RABGGTA: variants seen among roughly 807,000 people sequenced by gnomAD.
RABGGTA encodes Rab geranylgeranyltransferase subunit alpha.
RABGGTA carries 69 observed loss-of-function variants against 83.3 expected under a neutral mutation model. That is an observed-to-expected ratio of 0.83 (90% CI 0.68 to 1.01). The LOEUF (loss-of-function observed/expected upper bound fraction) is 1.01, where lower values mean the gene tolerates loss of function less well. RABGGTA is among the 50% of genes least tolerant of loss of function. The pLI is 0.00. For synonymous variants in RABGGTA, 310 were observed against 299.8 expected (o/e 1.03, Z -0.35); for missense variants, 681 against 712.7 (o/e 0.96, Z 0.51).
chr14:24,266,457 G>C lies in RABGGTA; in HGVS notation c.1528C>G (p.Leu510Val). 1 of 1,614,022 alleles carries C rather than the reference G, an allele frequency of 6.2e-7. No homozygotes were observed. Among genetic ancestry groups the C allele is most frequent in the Non-Finnish European group, 8.5e-7 (1 of 1,179,886 alleles). Residue 510 changes from leucine to valine, a missense_variant, in exon 16 of 17, where the codon CTG becomes GTG. Coordinates refer to ENST00000216840, the MANE Select transcript of RABGGTA (RefSeq NM_182836.3). Reference sequence around the variant, plus strand: ...TTGTTGCACAGTAGCAGCTCCTGCAGCCGGGGTAGGTTGGTGACGCCGTCC... The same window carrying C: ...TTGTTGCACAGTAGCAGCTCCTGCACCCGGGGTAGGTTGGTGACGCCGTCC... ...SLDGVTNLPR[L>V]QELLLCNNRL... is the part of the protein sequence containing the mutation.
chr14:24,271,346 C>T (rs1390498753), intron 1 of RABGGTA, 141 bp downstream of exon 1: 3 of 458,756 alleles, frequency 6.5e-6, no homozygotes, highest in African/African-American at 2.0e-5. Flanking sequence ...TCCGTGTGGC[C>T]CTTCCTATAG....
rs776966441 is a variant in RABGGTA at position 24,268,570 on chromosome 14, G to A, written c.950C>T (p.Thr317Ile). ...GCCTGCTGTCCAAATGACGCGAAAT[G>A]TATGTTGGGGCAACTGGTCGTTGAG... ...ASLNDQLPQH[T>I]FRVIWTAGDV... The change falls in exon 10 of 17, where the codon ACA becomes ATA. Residue 317 changes from threonine to isoleucine, a missense_variant. Around this residue, in one of 5 missense-constraint regions of RABGGTA, gnomAD observed 421 missense variants for 418.5 expected, o/e 1.01. Transcript: ENST00000216840. 13 of 1,613,930 alleles carry A rather than the reference G, an allele frequency of 8.1e-6. No homozygotes were observed. Among genetic ancestry groups the A allele is most frequent in the Non-Finnish European group, 1.1e-5 (13 of 1,179,902 alleles).
chr14:24,270,703 G>T (rs941116429), intron 3 of RABGGTA, 134 bp downstream of exon 3: 18 of 1,331,092 alleles, frequency 1.4e-5, no homozygotes, highest in Non-Finnish European at 1.6e-5. Context: ...TCAGCAACTT[G>T]CCCAAAGTCA....
intron 14 of RABGGTA, among the ~76,000 whole-genome samples, 178 bp from the exon 15 acceptor site, chr14:24,267,067 G>A (rs531782289): frequency 3.9e-5 from 6 of 152,310 alleles, no homozygotes; most frequent in East Asian, 1.9e-4. Context: ...AGTACATGAC[G>A]TGGGACAGAC....
In RABGGTA at chr14:24,266,805, G is replaced by C. The variant is rs750807003; in HGVS notation, c.1438C>G (p.Pro480Ala). ...LSHNRLRTLP[P>A]ALAALRCLEV... ...AGGCAGCGCAGGGCAGCCAGTGCAG[G>C]TGGCAGGGTTCGGAGGCGATTGTGT... The change falls in exon 15 of 17, where the codon CCT becomes GCT. Residue 480 changes from proline (P) to alanine (A), a missense_variant. By Grantham distance (27) the Pro-to-Ala change is conservative. Around this residue, in one of 5 missense-constraint regions of RABGGTA, gnomAD observed 421 missense variants for 418.5 expected, o/e 1.01. Transcript: ENST00000216840. 1 of 1,613,958 alleles carries C rather than the reference G, an allele frequency of 6.2e-7. No homozygotes were observed. Among genetic ancestry groups the C allele is most frequent in the South Asian group, 1.1e-5 (1 of 91,086 alleles).
intron 11 of RABGGTA, 58 bp downstream of exon 11, chr14:24,268,311 C>G: frequency 6.2e-7 from 1 of 1,611,400 alleles, no homozygotes; most frequent in Non-Finnish European, 8.5e-7. Flanking sequence ...CCTGCCCTGG[C>G]TGCCTGATGC....
chr14:24,268,459 G>A, intron 10 of RABGGTA, 39 bp from the exon 11 acceptor site: 1 of 1,595,030 alleles, frequency 6.3e-7, no homozygotes. Flanking sequence ...GCACCCTTGA[G>A]AGGAAAAGAG....
At chr14:24,265,837 G>T in intron 16 of RABGGTA, 74 bp from the exon 17 acceptor site, 2 of 1,487,204 alleles carry the variant, frequency 1.3e-6, no homozygotes. Context: ...CTCAAGAGCT[G>T]GGGACTGCTG....
At position 24,268,523 on chromosome 14, in the gene RABGGTA, G is replaced by A; in HGVS notation, c.997C>T (p.Leu333Phe). 1 of 1,613,940 alleles carries A rather than the reference G, an allele frequency of 6.2e-7. No individual in the cohort carries two copies. Among genetic ancestry groups the A allele is most frequent in the Non-Finnish European group, 8.5e-7 (1 of 1,179,806 alleles). The change falls in exon 10 of 17, where the codon CTT (leucine) becomes TTT (phenylalanine). Residue 333 changes from leucine (L) to phenylalanine (F), a missense_variant. Leu to Phe is a conservative substitution (Grantham distance 22). Coordinates refer to ENST00000216840, the MANE Select transcript of RABGGTA (RefSeq NM_182836.3). ...CTGCAGGTTCCATCACCTTTTAAAA[G>A]CACGCATTCTTTCTGGACATCGCCT... ...TAGDVQKECV[L>F]LKGRQEGWCR...
At chr14:24,269,293 G>T in intron 6 of RABGGTA, 130 bp from the exon 7 acceptor site, 1 of 1,048,750 alleles carries the variant, frequency 9.5e-7, no homozygotes, top group Non-Finnish European at 1.4e-6. Flanking sequence ...TTGCACAGGG[G>T]CTACGTATGT....
intron 15 of RABGGTA, 106 bp downstream of exon 15, chr14:24,266,670 C>T (rs780342486): frequency 5.7e-5 from 72 of 1,253,652 alleles, no homozygotes; most frequent in Middle Eastern, 1.9e-4. Context: ...GTTACCTGTT[C>T]GGGGTGGAGG....
intron 5 of RABGGTA, 66 bp downstream of exon 5, chr14:24,269,883 CCTTA>C: frequency 6.4e-7 from 1 of 1,556,840 alleles, no homozygotes; most frequent in Non-Finnish European, 8.7e-7. Flanking sequence ...CCATTCTGGG[CCTTA>C]CTGAGGCCCC....
At chr14:24,267,485 G>A (rs2040888364) in intron 14 of RABGGTA, among the ~76,000 whole-genome samples, 175 bp downstream of exon 14, 1 of 152,044 alleles carries the variant, frequency 6.6e-6, no homozygotes. Context: ...TGAGTGGCAA[G>A]AAGAAGAATG....
In RABGGTA at chr14:24,268,369, C is replaced by G; in HGVS notation, c.1058G>C (p.Arg353Thr). The G allele has an allele frequency of 6.2e-7, 1 of 1,613,150 alleles. No individual in the cohort carries two copies. Among genetic ancestry groups the G allele is most frequent in the Non-Finnish European group, 8.5e-7 (1 of 1,179,890 alleles). ...TTGTTTTGTGCTTCCCTATCACCAC[C>G]TGAATAGCTGCTCGTCTGTCGTGGA... The part of the protein sequence containing the change: ...RDSTTDEQLF[R>T]CELSVEKSTV... The change falls in exon 11 of 17, where the codon AGG (arginine) becomes ACG (threonine). Residue 353 changes from arginine (R) to threonine (T), a missense_variant and splice_region_variant. Arg to Thr is a moderately conservative substitution (Grantham distance 71). This residue lies in a region of RABGGTA where 421 missense variants were observed against 418.5 expected (regional missense o/e 1.01). Transcript: ENST00000216840.
chr14:24,268,677 C>A, intron 9 of RABGGTA, 48 bp downstream of exon 9: 1 of 1,609,898 alleles, frequency 6.2e-7, no homozygotes, highest in Non-Finnish European at 8.5e-7. Context: ...ACTGTCCCAC[C>A]CAGCCCTGCC....
rs375882032 is a variant in RABGGTA at position 24,270,432 on chromosome 14, G to A, written c.141C>T (p.Ser47=). ...QKRQAGELDE[S]VLELTSQILG... ...GAATCTGGCTTGTCAGTTCCAGCAC[G>A]GACTCATCCAGCTCACCAGCCTGGC... is the stretch of plus-strand genomic sequence containing the variant. The change falls in exon 4 of 17, where the codon TCC becomes TCT. Residue 47 remains serine, a synonymous_variant. Transcript: ENST00000216840. 2.4e-5 allele frequency: 39 copies of A among 1,613,848 alleles called. No individual in the cohort carries two copies. The Admixed American group carries it at 2.7e-4, about 11-fold the overall frequency.
Position 24,266,896 on chromosome 14 carries a change from G to T in RABGGTA, c.1354-7C>A, listed in dbSNP as rs1393460788. 6.2e-7 allele frequency: 1 copy of T among 1,606,046 alleles called. No individual in the cohort carries two copies. Among genetic ancestry groups the T allele is most frequent in the Non-Finnish European group, 8.5e-7 (1 of 1,172,820 alleles). The stretch of plus-strand genomic sequence containing the variant: ...GGCAGAGCACTGTCAGATCCTGGGG[G>T]GTGAAGGGAGGAAGGAGGTGATGGG... On this transcript the variant is annotated splice_polypyrimidine_tract_variant and splice_region_variant and intron_variant, in intron 14 of 16. Transcript: ENST00000216840.
chr14:24,267,324 T>C (rs2040886483), intron 14 of RABGGTA, among the ~76,000 whole-genome samples: 1 of 152,134 alleles, frequency 6.6e-6, no homozygotes, highest in Non-Finnish European at 1.5e-5. Flanking sequence ...GGAAAGTATT[T>C]GGCCTTCAGG....
At chr14:24,269,345 C>T (rs991092219) in intron 6 of RABGGTA, 146 bp downstream of exon 6, 4 of 1,121,552 alleles carry the variant, frequency 3.6e-6, no homozygotes, top group African/African-American at 3.1e-5. Context: ...TTCCTTCAGC[C>T]AGGGACTGAT....
Sources: allele counts gnomAD v4.1 joint callset (sites outside exome capture counted in the v4.1 genomes callset), GRCh38; gene constraint gnomAD v4.1.1; regional missense constraint gnomAD v4.1.1; transcripts MANE v1.5; gene names NCBI Gene and HGNC (gene_info 2026-07-23, HGNC 2026-07-21).